Variants in PRICKLE1 observed in about 807,000 individuals in gnomAD.
PRICKLE1 encodes prickle planar cell polarity protein 1.
PRICKLE1 carries 14 observed loss-of-function variants against 70.2 expected under a neutral mutation model. The observed-to-expected ratio is 0.20, with a 90% CI of 0.13 to 0.31. PRICKLE1 has a LOEUF of 0.31. Among genes scored for constraint, PRICKLE1 ranks in the 10% least tolerant of loss-of-function variants. The pLI is 1.00. For missense variants in PRICKLE1, 821 were observed against 1,026.2 expected, an observed-to-expected ratio of 0.80 and a Z score of 2.73; for synonymous variants, 357 against 379.9, an observed-to-expected ratio of 0.94 and a Z score of 0.70.
rs2140113781 is a variant in PRICKLE1 at position 42,468,715 on chromosome 12, C to T, written c.499G>A (p.Asp167Asn). The T allele has an allele frequency of 1.2e-6, 2 of 1,614,042 alleles. No individual in the cohort carries two copies. Among genetic ancestry groups the T allele is most frequent in the Non-Finnish European group, 1.7e-6 (2 of 1,180,018 alleles). ...CCATCCTGATAAAAATAGATGAGGT[C>T]GACCAGCAGCTCATTACACGTGAAA... ...VCFTCNELLV[D>N]LIYFYQDGKI... The change falls in exon 5 of 8, where the codon GAC (aspartate) becomes AAC (asparagine). Residue 167 changes from aspartate to asparagine, a missense_variant. Transcript: ENST00000345127.
chr12:42,552,734 T>C (rs183868925), intron 1 of PRICKLE1, among the ~76,000 whole-genome samples: 23 of 152,320 alleles, frequency 1.5e-4, no homozygotes, highest in Admixed American at 1.5e-3. Flanking sequence ...GACCCTGTTT[T>C]AAATTGGAGT....
At chr12:42,486,972 A>G (rs1939002048) in intron 1 of PRICKLE1, among the ~76,000 whole-genome samples, 1 of 152,204 alleles carries the variant, frequency 6.6e-6, no homozygotes, top group South Asian at 2.1e-4. Context: ...CTAGTTTTCA[A>G]TGCGAGCATA....
intron 1 of PRICKLE1, among the ~76,000 whole-genome samples, chr12:42,566,435 TGTGAGACAGAGA>T (rs1435412447): frequency 6.6e-6 from 1 of 152,142 alleles, no homozygotes; most frequent in Non-Finnish European, 1.5e-5. Context: ...GGGAAGTGGC[TGTGAGACAGAGA>T]GTACTCCAAA....
intron 6 of PRICKLE1, 153 bp from the exon 7 acceptor site, chr12:42,465,411 T>C: frequency 1.4e-6 from 1 of 717,532 alleles, no homozygotes; most frequent in Non-Finnish European, 2.3e-6. Flanking sequence ...TTGTGGATTC[T>C]GTATTTGTGA....
chr12:42,504,530 G>A (rs915555229), intron 1 of PRICKLE1, among the ~76,000 whole-genome samples: 3 of 152,180 alleles, frequency 2.0e-5, no homozygotes, highest in African/African-American at 7.2e-5. Context: ...TGTAAAATGA[G>A]TTTTGTTGAA....
At chr12:42,497,750 G>A (rs1939233464) in intron 1 of PRICKLE1, among the ~76,000 whole-genome samples, 1 of 152,142 alleles carries the variant, frequency 6.6e-6, no homozygotes, top group South Asian at 2.1e-4. Context: ...CATGGTGTCA[G>A]AATAAATGGT....
intron 1 of PRICKLE1, among the ~76,000 whole-genome samples, chr12:42,530,607 A>T (rs1455504439): frequency 6.6e-6 from 1 of 152,152 alleles, no homozygotes; most frequent in Non-Finnish European, 1.5e-5. Context: ...AATTCTAAGA[A>T]AGACACAAAG....
intron 1 of PRICKLE1, among the ~76,000 whole-genome samples, chr12:42,511,619 A>G (rs1455104765): frequency 6.6e-6 from 1 of 152,192 alleles, no homozygotes; most frequent in Non-Finnish European, 1.5e-5. Flanking sequence ...AGAGGGGGGT[A>G]TGGAAATCCA....
At chr12:42,528,793 A>C (rs1158612486) in intron 1 of PRICKLE1, among the ~76,000 whole-genome samples, 2 of 152,254 alleles carry the variant, frequency 1.3e-5, no homozygotes, top group African/African-American at 4.8e-5. Context: ...AAAGAAAAAT[A>C]ATCACATATA....
chr12:42,469,762 G>A (rs1396081951), intron 3 of PRICKLE1, 175 bp from the exon 4 acceptor site: 2 of 739,862 alleles, frequency 2.7e-6, no homozygotes, highest in Admixed American at 2.6e-5. Flanking sequence ...TCTAGAAAAA[G>A]GGAAATGCAA....
chr12:42,498,434 A>T (rs1029106174), intron 1 of PRICKLE1, among the ~76,000 whole-genome samples: 1 of 152,084 alleles, frequency 6.6e-6, no homozygotes, highest in Non-Finnish European at 1.5e-5. Context: ...TTGGCCTCCC[A>T]AAGTGTTGGG....
At chr12:42,499,793 T>C (rs1043438075) in intron 1 of PRICKLE1, among the ~76,000 whole-genome samples, 3 of 152,064 alleles carry the variant, frequency 2.0e-5, no homozygotes, top group African/African-American at 7.2e-5. Flanking sequence ...AGTGGACTGA[T>C]CTTGGCTCAC....
chr12:42,571,220 T>C (rs1334773657), intron 1 of PRICKLE1, among the ~76,000 whole-genome samples: 4 of 152,184 alleles, frequency 2.6e-5, no homozygotes, highest in East Asian at 1.9e-4. Context: ...TGGTAACTTT[T>C]TTCATGTGTT....
At chr12:42,467,887 G>A (rs545646292) in intron 5 of PRICKLE1, among the ~76,000 whole-genome samples, 3 of 152,262 alleles carry the variant, frequency 2.0e-5, no homozygotes, top group East Asian at 1.9e-4. Flanking sequence ...AAGATACAAC[G>A]AGTAAATGCA....
chr12:42,555,139 C>T (rs1453469472), intron 1 of PRICKLE1, among the ~76,000 whole-genome samples: 2 of 152,040 alleles, frequency 1.3e-5, no homozygotes, highest in African/African-American at 4.8e-5. Flanking sequence ...CCTGTCTCCA[C>T]TAAAAATACA....
Position 42,460,130 on chromosome 12 carries a change from G to C in PRICKLE1, c.2175C>G (p.Ile725Met), listed in dbSNP as rs1555229265. Residue 725 changes from isoleucine to methionine, a missense_variant, in exon 8 of 8, where the codon ATC (isoleucine) becomes ATG (methionine). Ile to Met is a conservative substitution (Grantham distance 10). Transcript: ENST00000345127. The part of the protein sequence containing the change: ...NKSAREIQAY[I>M]QNADLYGQYA... ...ACTGTCCGTAGAGATCAGCATTCTG[G>C]ATGTATGCTTGGATCTCCCGGGCAC... 6.2e-7 allele frequency: 1 copy of C among 1,613,948 alleles called. No individual in the cohort carries two copies. Among genetic ancestry groups the C allele is most frequent in the Non-Finnish European group, 8.5e-7 (1 of 1,179,990 alleles).
At chr12:42,540,229 A>C (rs1940088844) in intron 1 of PRICKLE1, among the ~76,000 whole-genome samples, 1 of 152,202 alleles carries the variant, frequency 6.6e-6, no homozygotes, top group Admixed American at 6.5e-5. Flanking sequence ...AACTGATAGA[A>C]TGTTTCCCTC....
At chr12:42,546,722 C>G (rs113818806) in intron 1 of PRICKLE1, among the ~76,000 whole-genome samples, 239 of 152,298 alleles carry the variant, frequency 1.6e-3, no homozygotes, top group Non-Finnish European at 2.4e-3. Flanking sequence ...CCACTGTACT[C>G]CAGCCTGGGT....
intron 1 of PRICKLE1, among the ~76,000 whole-genome samples, chr12:42,476,107 A>T (rs539312351): frequency 6.6e-6 from 1 of 151,648 alleles, no homozygotes; most frequent in Admixed American, 6.6e-5. Flanking sequence ...AAAAAAAAAA[A>T]AAAAGTTATA....
Sources: allele counts gnomAD v4.1 joint callset (sites outside exome capture counted in the v4.1 genomes callset), GRCh38; gene constraint gnomAD v4.1.1; transcripts MANE v1.5; gene names NCBI Gene and HGNC (gene_info 2026-07-23, HGNC 2026-07-21).